The following TRHDE variants were observed in gnomAD, a reference collection of about 807,000 sequenced individuals.
The protein encoded by TRHDE is thyrotropin-releasing hormone-degrading ectoenzyme.
Under a neutral mutation model 125.7 loss-of-function variants are expected in TRHDE, and 72 were observed. The ratio of observed to expected loss-of-function variants is 0.57; its 90% CI spans 0.47 to 0.70. TRHDE has a LOEUF of 0.70. TRHDE is among the 30% of genes least tolerant of loss of function. The pLI is 0.00. For synonymous variants in TRHDE, 509 were observed against 509.1 expected (o/e 1.00, Z 0.00); for missense variants, 1,110 against 1,327.1 (o/e 0.84, Z 2.54).
At chr12:72,335,466 A>G (rs1326449051) in intron 2 of TRHDE, among the ~76,000 whole-genome samples, 1 of 152,164 alleles carries the variant, frequency 6.6e-6, no homozygotes, top group Admixed American at 6.5e-5. Context: ...CCAAAACGAG[A>G]CATTTGGCAC....
chr12:72,586,668 C>G (rs1871451281), intron 12 of TRHDE, among the ~76,000 whole-genome samples: 1 of 151,970 alleles, frequency 6.6e-6, no homozygotes, highest in Non-Finnish European at 1.5e-5. Flanking sequence ...GCAGTTGATT[C>G]ACGCCTCTAA....
At chr12:72,585,317 G>C (rs1021907568) in intron 12 of TRHDE, among the ~76,000 whole-genome samples, 1 of 152,082 alleles carries the variant, frequency 6.6e-6, no homozygotes, top group African/African-American at 2.4e-5. Context: ...CGATTGGTAA[G>C]ATCATTGGCT....
chr12:72,172,291 A>G (rs554831853), intron 2 of TRHDE, among the ~76,000 whole-genome samples: 15 of 152,322 alleles, frequency 9.8e-5, no homozygotes, highest in African/African-American at 3.6e-4. Flanking sequence ...ACACTGCATG[A>G]CAGCTAACCT....
At chr12:72,634,747 C>T (rs1444871953) in intron 15 of TRHDE, among the ~76,000 whole-genome samples, 9 of 148,094 alleles carry the variant, frequency 6.1e-5, no homozygotes, top group South Asian at 2.2e-4. Flanking sequence ...TGAGAATATG[C>T]GGTGTTTGGT....
intron 2 of TRHDE, among the ~76,000 whole-genome samples, chr12:72,195,983 G>A (rs1466503231): frequency 2.0e-5 from 3 of 152,082 alleles, no homozygotes; most frequent in African/African-American, 7.2e-5. Context: ...TGAATAGGGA[G>A]TGCTTTTCCC....
At chr12:72,637,333 T>G (rs1228070159) in intron 15 of TRHDE, among the ~76,000 whole-genome samples, 1 of 152,240 alleles carries the variant, frequency 6.6e-6, no homozygotes, top group Non-Finnish European at 1.5e-5. Context: ...TGTATTTCTG[T>G]GGGATTGGTG....
intron 6 of TRHDE, among the ~76,000 whole-genome samples, chr12:72,526,725 G>A (rs1868344912): frequency 6.6e-6 from 1 of 152,048 alleles, no homozygotes; most frequent in South Asian, 2.1e-4. Flanking sequence ...AGTGAGTGAG[G>A]TGTGTCTGCA....
chr12:72,191,943 T>TA (rs1877349362), intron 2 of TRHDE, among the ~76,000 whole-genome samples: 2 of 152,266 alleles, frequency 1.3e-5, no homozygotes, highest in South Asian at 4.1e-4. Flanking sequence ...GCTGTCTGCC[T>TA]AAAAGTCTCT....
intron 2 of TRHDE, among the ~76,000 whole-genome samples, chr12:72,371,715 A>G (rs1203490548): frequency 6.6e-6 from 1 of 152,022 alleles, no homozygotes; most frequent in Non-Finnish European, 1.5e-5. Flanking sequence ...TACAAAGGAC[A>G]TGAACTCATC....
chr12:72,126,852 G>A (rs1041822375), intron 2 of TRHDE, among the ~76,000 whole-genome samples: 3 of 152,190 alleles, frequency 2.0e-5, no homozygotes, highest in South Asian at 2.1e-4. Flanking sequence ...GACAAGTGGG[G>A]CCTAATTAAA....
intron 7 of TRHDE, among the ~76,000 whole-genome samples, 196 bp downstream of exon 7, chr12:72,542,552 T>G (rs537150063): frequency 6.6e-6 from 1 of 151,506 alleles, no homozygotes; most frequent in East Asian, 1.9e-4. Context: ...CTTGAACTGT[T>G]GAACAATTTA....
intron 1 of TRHDE, among the ~76,000 whole-genome samples, chr12:72,285,456 TTTAA>T (rs1457577108): frequency 5.9e-5 from 9 of 152,252 alleles, no homozygotes; most frequent in South Asian, 4.2e-4. Context: ...ATTTAAAAAG[TTTAA>T]TTAACTTTTG....
chr12:72,461,640 T>C (rs1592462620), intron 3 of TRHDE, among the ~76,000 whole-genome samples: 2 of 152,054 alleles, frequency 1.3e-5, no homozygotes, highest in Admixed American at 1.3e-4. Flanking sequence ...TAGCCTACTA[T>C]GCCTTTAAAA....
chr12:72,425,808 T>A (rs1412670627), intron 3 of TRHDE, among the ~76,000 whole-genome samples: 4 of 152,078 alleles, frequency 2.6e-5, no homozygotes, highest in Admixed American at 2.0e-4. Context: ...TTACTATGGA[T>A]CTGTGACAAA....
chr12:72,177,321 C>T (rs1877010501), intron 2 of TRHDE, among the ~76,000 whole-genome samples: 1 of 152,076 alleles, frequency 6.6e-6, no homozygotes, highest in African/African-American at 2.4e-5. Flanking sequence ...ACTTTTGAGA[C>T]TTGATATTAT....
chr12:72,508,813 T>A (rs1284252563), intron 6 of TRHDE, among the ~76,000 whole-genome samples: 1 of 152,080 alleles, frequency 6.6e-6, no homozygotes, highest in East Asian at 1.9e-4. Flanking sequence ...TGGGGGTGGA[T>A]TTCCCCCTTG....
At chr12:72,413,519 ATTAG>A (rs1873602027) in intron 3 of TRHDE, among the ~76,000 whole-genome samples, 1 of 151,828 alleles carries the variant, frequency 6.6e-6, no homozygotes, top group African/African-American at 2.4e-5. Flanking sequence ...TAAAATTATT[ATTAG>A]CTCTACCTAT....
At chr12:72,607,524 A>AGTCAGTC (rs79327913) in intron 12 of TRHDE, among the ~76,000 whole-genome samples, 1 of 152,008 alleles carries the variant, frequency 6.6e-6, no homozygotes. Flanking sequence ...TTTTTTTAAA[A>AGTCAGTC]AGTCAGAATA....
intron 6 of TRHDE, among the ~76,000 whole-genome samples, chr12:72,516,480 TTG>T (rs1255286027): frequency 6.6e-6 from 1 of 152,112 alleles, no homozygotes; most frequent in East Asian, 1.9e-4. Context: ...CTTGTGATTT[TTG>T]TACATTGATT....
Sources: gnomAD v4.1 joint callset for allele counts (sites outside exome capture counted in the v4.1 genomes callset) on GRCh38, gnomAD v4.1.1 for gene constraint, MANE v1.5 for transcripts, NCBI Gene and HGNC (gene_info 2026-07-23, HGNC 2026-07-21) for gene names.